MLLT3: variants seen among roughly 807,000 people sequenced by gnomAD.
MLLT3 encodes MLLT3 super elongation complex subunit.
A neutral mutation model predicts 53.2 loss-of-function variants in MLLT3; 4 were observed. The observed-to-expected ratio is 0.08, with a 90% confidence interval of 0.04 to 0.17. The LOEUF is 0.17. Ranked by LOEUF, MLLT3 falls within the 10% of genes least tolerant of loss-of-function variation. MLLT3 has a pLI of 1.00. For missense variants in MLLT3, 569 were observed against 684.0 expected (o/e 0.83, Z 1.87); for synonymous variants, 283 against 230.6 (o/e 1.23, Z -2.06).
rs570122131 is a variant in MLLT3, at chr9:20,597,308, T to C, written c.193+23346A>G. Among the ~76,000 whole-genome samples the C allele has an allele frequency of 2.6e-5, 4 of 151,978 alleles. No individual in the cohort carries two copies. In the South Asian group the frequency reaches 8.3e-4, roughly 32 times the overall value. ...TATCTAGGGCCTTACAAAGGTGTCT[T>C]ACTATAAAGTTGTTATTTAATACCA... On this transcript the variant is annotated intron_variant, in intron 2 of 10. Transcript: ENST00000380338.
At chr9:20,525,350 A>G (rs1367977929) in intron 2 of MLLT3, among the ~76,000 whole-genome samples, 1 of 151,986 alleles carries the variant, frequency 6.6e-6, no homozygotes, top group African/African-American at 2.4e-5. Flanking sequence ...TACAAAAATT[A>G]CCGAGTGTGG....
At chr9:20,446,179 TCCC>T (rs1823694219) in intron 4 of MLLT3, among the ~76,000 whole-genome samples, 1 of 152,198 alleles carries the variant, frequency 6.6e-6, no homozygotes, top group Non-Finnish European at 1.5e-5. Flanking sequence ...CTGTGATTAG[TCCC>T]TTAAGTAACT....
chr9:20,362,822 C>T (rs968073001), intron 7 of MLLT3: 11 of 145,094 alleles, frequency 7.6e-5, no homozygotes, highest in South Asian at 6.5e-4. Context: ...CAAGTAGATT[C>T]GTATTTTTTC....
At chr9:20,396,930 T>C (rs1039211476) in intron 5 of MLLT3, among the ~76,000 whole-genome samples, 2 of 151,880 alleles carry the variant, frequency 1.3e-5, no homozygotes, top group Non-Finnish European at 2.9e-5. Flanking sequence ...AGGTGAAAGA[T>C]GCTAGAACTA....
intron 2 of MLLT3, among the ~76,000 whole-genome samples, chr9:20,514,999 T>A (rs1817870265): frequency 1.4e-5 from 2 of 138,978 alleles, no homozygotes; most frequent in South Asian, 4.5e-4. Context: ...CGGGCTGGAG[T>A]GCAGTGGCGT....
intron 2 of MLLT3, among the ~76,000 whole-genome samples, chr9:20,586,112 G>C (rs1426361705): frequency 6.6e-6 from 1 of 152,108 alleles, no homozygotes; most frequent in Non-Finnish European, 1.5e-5. Flanking sequence ...GCACTCAGGA[G>C]TTTGCGACCA....
At chr9:20,366,103 G>T (rs1450284823) in intron 5 of MLLT3, among the ~76,000 whole-genome samples, 2 of 152,122 alleles carry the variant, frequency 1.3e-5, no homozygotes, top group African/African-American at 4.8e-5. Context: ...AGAACATGCA[G>T]GTGTGTTACA....
intron 2 of MLLT3, among the ~76,000 whole-genome samples, chr9:20,582,016 T>G (rs1199434721): frequency 6.6e-6 from 1 of 152,174 alleles, no homozygotes; most frequent in African/African-American, 2.4e-5. Context: ...ATTATTCTCC[T>G]TACAAAACTA....
At chr9:20,594,833 GA>G (rs1820215225) in intron 2 of MLLT3, among the ~76,000 whole-genome samples, 2 of 152,274 alleles carry the variant, frequency 1.3e-5, no homozygotes, top group South Asian at 4.2e-4. Context: ...GCAATGTCAG[GA>G]AGTTCCCCTG....
chr9:20,593,273 G>C (rs910142834), intron 2 of MLLT3, among the ~76,000 whole-genome samples: 2 of 152,108 alleles, frequency 1.3e-5, no homozygotes, highest in African/African-American at 4.8e-5. Context: ...AAAAATTAAT[G>C]GGTGTGTTCA....
chr9:20,388,360 G>A (rs1325707401), intron 5 of MLLT3, among the ~76,000 whole-genome samples: 1 of 152,146 alleles, frequency 6.6e-6, no homozygotes, highest in Non-Finnish European at 1.5e-5. Context: ...AGGCTGAGGC[G>A]TGCAGATCAC....
intron 10 of MLLT3, among the ~76,000 whole-genome samples, chr9:20,350,731 C>G (rs1297508241): frequency 6.6e-6 from 1 of 152,154 alleles, no homozygotes; most frequent in Non-Finnish European, 1.5e-5. Context: ...CCTGCCACAT[C>G]AGCCTTTCAA....
At chr9:20,406,577 C>T (rs1445501189) in intron 5 of MLLT3, among the ~76,000 whole-genome samples, 1 of 152,056 alleles carries the variant, frequency 6.6e-6, no homozygotes, top group Non-Finnish European at 1.5e-5. Context: ...AAACCAGTAC[C>T]GTGATTCTAA....
intron 10 of MLLT3, among the ~76,000 whole-genome samples, chr9:20,347,075 CAAAAA>C (rs11295975): frequency 1.2e-5 from 1 of 83,018 alleles, no homozygotes; most frequent in Non-Finnish European, 2.8e-5. Flanking sequence ...CAGGAACTCC[CAAAAA>C]AAAAAAAAAA....
chr9:20,573,864 A>C (rs1819591338), intron 2 of MLLT3, among the ~76,000 whole-genome samples: 1 of 152,228 alleles, frequency 6.6e-6, no homozygotes, highest in Admixed American at 6.5e-5. Context: ...TCCATCTTAC[A>C]GGTGAGAAAC....
intron 2 of MLLT3, among the ~76,000 whole-genome samples, chr9:20,526,126 T>C (rs564463320): frequency 3.2e-4 from 49 of 152,316 alleles, no homozygotes; most frequent in African/African-American, 1.1e-3. Flanking sequence ...ATGTGTTCAT[T>C]AGGCACCCAT....
At chr9:20,560,568 G>A (rs1443036673) in intron 2 of MLLT3, among the ~76,000 whole-genome samples, 1 of 152,106 alleles carries the variant, frequency 6.6e-6, no homozygotes, top group East Asian at 1.9e-4. Context: ...CAAACGTGAT[G>A]TTGATGCACA....
intron 2 of MLLT3, among the ~76,000 whole-genome samples, chr9:20,564,922 A>G (rs961248441): frequency 2.6e-5 from 4 of 152,166 alleles, no homozygotes; most frequent in Non-Finnish European, 5.9e-5. Context: ...GAGAAATACC[A>G]CACGGTATGG....
At position 20,375,614 on chromosome 9, in the gene MLLT3, T is replaced by TC. The variant is rs1185046122; in HGVS notation, c.1126-9871_1126-9870insG. 1.5e-5 allele frequency among the ~76,000 whole-genome samples: 2 copies of TC among 137,826 alleles called. 1 individual carries two copies. The highest frequency in any genetic ancestry group is 1.4e-4 in the Admixed American group (2 of 14,084). 90.4% of individuals were successfully genotyped at this position (137,826 alleles called of 152,430 possible). A position where few individuals can be genotyped will look rare whatever the true frequency, so the allele number is the denominator to read the frequency against. ...TAATTTTTTTTTTTTTCTTTTCTTT[T>TC]TTTTTTTTTTTGAGACAGAGTCTTG... On this transcript the variant is annotated intron_variant, in intron 5 of 10. Transcript: ENST00000380338.
Sources: gnomAD v4.1 joint callset for allele counts (sites outside exome capture counted in the v4.1 genomes callset) on GRCh38, gnomAD v4.1.1 for gene constraint, MANE v1.5 for transcripts, NCBI Gene and HGNC (gene_info 2026-07-23, HGNC 2026-07-21) for gene names.